The following PRDM10 variants were observed in gnomAD, a reference collection of about 807,000 sequenced individuals.
The protein encoded by PRDM10 is PR domain zinc finger protein 10.
Under a neutral mutation model 133.1 loss-of-function variants are expected in PRDM10, and 65 were observed. The observed-to-expected ratio is 0.49, with a 90% CI of 0.40 to 0.60. PRDM10 has a LOEUF of 0.60. Among genes scored for constraint, PRDM10 ranks in the 20% least tolerant of loss-of-function variants. The pLI is 0.00. For missense variants in PRDM10, 1,137 were observed against 1,507.1 expected, an observed-to-expected ratio of 0.75 and a Z score of 4.07; for synonymous variants, 582 against 580.4, an observed-to-expected ratio of 1.00 and a Z score of -0.04.
intron 1 of PRDM10, among the ~76,000 whole-genome samples, chr11:130,002,448 A>T (rs1233892196): frequency 6.6e-6 from 1 of 151,926 alleles, no homozygotes; most frequent in Non-Finnish European, 1.5e-5. Context: ...GAAGGTGCAG[A>T]TGGTTTGACC....
chr11:129,968,590 C>A (rs1323588505), intron 1 of PRDM10, among the ~76,000 whole-genome samples: 1 of 151,244 alleles, frequency 6.6e-6, no homozygotes, highest in Non-Finnish European at 1.5e-5. Flanking sequence ...GCTCCCGCCA[C>A]CCACCCCGCA....
intron 11 of PRDM10, among the ~76,000 whole-genome samples, chr11:129,925,689 C>T (rs1950655871): frequency 6.7e-6 from 1 of 150,022 alleles, no homozygotes; most frequent in South Asian, 2.1e-4. Flanking sequence ...TTGATTAAAA[C>T]ATTTAGCAAA....
intron 8 of PRDM10, among the ~76,000 whole-genome samples, chr11:129,937,091 G>C (rs1418657729): frequency 6.6e-6 from 1 of 152,222 alleles, no homozygotes; most frequent in Non-Finnish European, 1.5e-5. Context: ...TAGAAGTCAG[G>C]AGAGAGTTAC....
intron 20 of PRDM10, among the ~76,000 whole-genome samples, chr11:129,904,324 T>C (rs899130062): frequency 6.6e-5 from 10 of 152,122 alleles, no homozygotes; most frequent in Admixed American, 5.2e-4. Context: ...TATTAAGATA[T>C]AATTAAACAA....
chr11:129,994,844 A>G (rs1395963627), intron 1 of PRDM10, among the ~76,000 whole-genome samples: 1 of 151,964 alleles, frequency 6.6e-6, no homozygotes, highest in Non-Finnish European at 1.5e-5. Flanking sequence ...TAGTAGAGAC[A>G]GGGCTTCACC....
chr11:129,922,133 TCA>T (rs993661058), intron 13 of PRDM10, among the ~76,000 whole-genome samples: 1 of 152,248 alleles, frequency 6.6e-6, no homozygotes, highest in Non-Finnish European at 1.5e-5. Context: ...TCTGTAACAT[TCA>T]CAGTGGCTTT....
chr11:129,922,509 C>A (rs1950547754), intron 13 of PRDM10, among the ~76,000 whole-genome samples: 1 of 152,276 alleles, frequency 6.6e-6, no homozygotes, highest in African/African-American at 2.4e-5. Flanking sequence ...TCTTTAATTT[C>A]TTTGCATCTG....
intron 6 of PRDM10, among the ~76,000 whole-genome samples, chr11:129,943,764 G>A (rs1951293960): frequency 6.6e-6 from 1 of 152,148 alleles, no homozygotes; most frequent in African/African-American, 2.4e-5. Flanking sequence ...GAAGGCTGAG[G>A]TGGGTGGATC....
chr11:129,977,255 TACAC>T (rs71057991), intron 1 of PRDM10, among the ~76,000 whole-genome samples: 5,114 of 132,378 alleles, frequency 0.039, 103 homozygotes, highest in Middle Eastern at 0.064. Flanking sequence ...ATGACTAAAA[TACAC>T]ACACACACAC....
chr11:129,943,948 C>T (rs556851875), intron 6 of PRDM10, among the ~76,000 whole-genome samples: 1 of 152,166 alleles, frequency 6.6e-6, no homozygotes, highest in South Asian at 2.1e-4. Context: ...GCTGAGATTG[C>T]ACCACTGCAC....
intron 13 of PRDM10, among the ~76,000 whole-genome samples, chr11:129,922,902 G>A (rs955002843): frequency 1.3e-5 from 2 of 152,094 alleles, no homozygotes; most frequent in Non-Finnish European, 2.9e-5. Flanking sequence ...TACTTCATCA[G>A]TGCTCAACAA....
At chr11:129,983,396 GC>G (rs1938229165) in intron 1 of PRDM10, among the ~76,000 whole-genome samples, 1 of 151,630 alleles carries the variant, frequency 6.6e-6, no homozygotes, top group Admixed American at 6.6e-5. Flanking sequence ...CCAGGTTCAT[GC>G]CATTCTCCTG....
chr11:129,947,027 C>T lies in PRDM10; in HGVS notation c.520+118G>A, dbSNP rs1271700092. 5.0e-5 allele frequency: 68 copies of T among 1,368,446 alleles called. No individual in the cohort carries two copies. Among genetic ancestry groups the T allele is most frequent in the Non-Finnish European group, 5.8e-5 (58 of 996,748 alleles). The allele number at this position is 1,368,446 out of a possible 1,614,324, so 84.8% of individuals were successfully genotyped here. A position where few individuals can be genotyped will look rare whatever the true frequency, so the allele number is the denominator to read the frequency against. ...GATGAAGCAAGCAGAGAATGTAGCA[C>T]AGTTGGCTGCACACGGAAGGACCTG... On this transcript the variant is annotated intron_variant, in intron 5 of 20. Coordinates refer to ENST00000360871, the MANE Select transcript of PRDM10 (RefSeq NM_199437.2). The surrounding 1 kb of genome is among the most constrained non-coding windows in gnomAD (Gnocchi z 4.6).
intron 11 of PRDM10, among the ~76,000 whole-genome samples, chr11:129,930,651 T>A (rs750648790): frequency 2.0e-5 from 3 of 152,186 alleles, no homozygotes; most frequent in Admixed American, 2.0e-4. Flanking sequence ...TTGAGAGCTA[T>A]GATTAGGCAC....
intron 1 of PRDM10, among the ~76,000 whole-genome samples, chr11:129,965,738 C>CA (rs1323717183): frequency 2.4e-3 from 331 of 136,596 alleles, no homozygotes; most frequent in Middle Eastern, 7.4e-3. Context: ...ACATGTTTAT[C>CA]AAAAAAAAAA....
chr11:129,962,287 G>A (rs1456463120), intron 1 of PRDM10, among the ~76,000 whole-genome samples: 1 of 152,302 alleles, frequency 6.6e-6, no homozygotes, highest in South Asian at 2.1e-4. Flanking sequence ...GAACAGGGCA[G>A]CAGCCACAAT....
intron 6 of PRDM10, among the ~76,000 whole-genome samples, chr11:129,944,293 G>A (rs1951317308): frequency 6.6e-6 from 1 of 152,094 alleles, no homozygotes; most frequent in Admixed American, 6.5e-5. Flanking sequence ...AACGCCTTCA[G>A]GCACTAAAAT....
intron 19 of PRDM10, among the ~76,000 whole-genome samples, chr11:129,909,106 C>G (rs1591571556): frequency 6.6e-6 from 1 of 152,214 alleles, no homozygotes; most frequent in South Asian, 2.1e-4. Flanking sequence ...GTAAGAGAGT[C>G]CCTGACTGGA....
At chr11:129,993,346 TAA>T (rs989206081) in intron 1 of PRDM10, among the ~76,000 whole-genome samples, 2 of 152,188 alleles carry the variant, frequency 1.3e-5, no homozygotes, top group Non-Finnish European at 2.9e-5. Flanking sequence ...ATATTAATTC[TAA>T]AAGTGTTATT....
Sources: gnomAD v4.1 joint callset for allele counts (sites outside exome capture counted in the v4.1 genomes callset) on GRCh38, gnomAD v4.1.1 for gene constraint, Gnocchi (gnomAD v3.1) non-coding constraint, MANE v1.5 for transcripts, NCBI Gene and HGNC (gene_info 2026-07-23, HGNC 2026-07-21) for gene names.